STK32B: variants seen among roughly 807,000 people sequenced by gnomAD.
The protein encoded by STK32B is serine/threonine-protein kinase 32B.
Under a neutral mutation model 52.6 loss-of-function variants are expected in STK32B, and 43 were observed. That is an observed-to-expected ratio of 0.82 (90% confidence interval 0.64 to 1.05). The LOEUF (loss-of-function observed/expected upper bound fraction) is 1.05, where lower values mean the gene tolerates loss of function less well. Among genes scored for constraint, STK32B ranks in the 50% least tolerant of loss-of-function variants. STK32B has a pLI of 0.00. For missense variants in STK32B, 621 were observed against 534.6 expected, an observed-to-expected ratio of 1.16 and a Z score of -1.59; for synonymous variants, 238 against 204.3, an observed-to-expected ratio of 1.17 and a Z score of -1.41.
At chr4:5,253,254 C>T (rs747195407) in intron 3 of STK32B, among the ~76,000 whole-genome samples, 3 of 152,086 alleles carry the variant, frequency 2.0e-5, no homozygotes, top group Non-Finnish European at 2.9e-5. Context: ...GAAAGCCTAC[C>T]TGGAACCAAA....
chr4:5,152,495 G>C (rs1181338338), intron 2 of STK32B, among the ~76,000 whole-genome samples: 1 of 152,236 alleles, frequency 6.6e-6, no homozygotes, highest in Non-Finnish European at 1.5e-5. Context: ...TGTGAGACAG[G>C]AGGAGTGAGA....
At chr4:5,078,085 G>A (rs1265211598) in intron 1 of STK32B, among the ~76,000 whole-genome samples, 2 of 152,058 alleles carry the variant, frequency 1.3e-5, no homozygotes, top group South Asian at 2.1e-4. Context: ...ATCCCCATAC[G>A]ATAGTGTCCA....
At chr4:5,211,775 C>T (rs909603540) in intron 3 of STK32B, among the ~76,000 whole-genome samples, 3 of 152,138 alleles carry the variant, frequency 2.0e-5, no homozygotes, top group South Asian at 4.1e-4. Flanking sequence ...GTAAAATGCA[C>T]ATTTGTTCAT....
At chr4:5,067,940 G>A (rs529986693) in intron 1 of STK32B, among the ~76,000 whole-genome samples, 1 of 152,174 alleles carries the variant, frequency 6.6e-6, no homozygotes, top group East Asian at 1.9e-4. Context: ...CATATGAACA[G>A]CACCAAAGTG....
intron 4 of STK32B, among the ~76,000 whole-genome samples, chr4:5,366,378 G>A (rs903951960): frequency 5.3e-5 from 8 of 152,216 alleles, no homozygotes; most frequent in African/African-American, 1.9e-4. Context: ...AAAACAGAGT[G>A]GAATATTTAT....
chr4:5,398,238 G>T lies in STK32B; in HGVS notation c.466G>T (p.Glu156Ter). 6.2e-7 allele frequency: 1 copy of T among 1,614,106 alleles called. No individual in the cohort carries two copies. Among genetic ancestry groups the T allele is most frequent in the Non-Finnish European group, 8.5e-7 (1 of 1,180,006 alleles). ...CAAGCCAGACAATATCCTGCTGGAT[G>T]AACACGGTAAGCCTGCTACTAATCC... ...DIKPDNILLD[E>*]HGHVHITDFN... The change falls in exon 5 of 12, where the codon GAA (glutamate) becomes TAA (stop). Residue 156 changes from glutamate to a stop codon, truncating the protein, a stop_gained. Transcript: ENST00000282908. LOFTEE classifies it high-confidence loss of function. This position sits in a 1 kb window ranked among gnomAD's most constrained non-coding sequence, Gnocchi z 4.9.
chr4:5,206,371 A>G (rs1722578170), intron 3 of STK32B, among the ~76,000 whole-genome samples: 2 of 152,142 alleles, frequency 1.3e-5, no homozygotes, highest in Non-Finnish European at 2.9e-5. Flanking sequence ...AACTTTAAAT[A>G]TCCTCCACTG....
At chr4:5,205,175 A>G in intron 3 of STK32B, among the ~76,000 whole-genome samples, 1 of 151,424 alleles carries the variant, frequency 6.6e-6, no homozygotes, top group East Asian at 1.9e-4. Context: ...ACTGGGACTT[A>G]TATCATTGCC....
chr4:5,436,106 G>T (rs1714054433), intron 6 of STK32B, among the ~76,000 whole-genome samples: 1 of 152,168 alleles, frequency 6.6e-6, no homozygotes, highest in Non-Finnish European at 1.5e-5. Flanking sequence ...GCTGGGCCGT[G>T]GATTTGAACT....
chr4:5,358,421 A>G (rs1458722476), intron 4 of STK32B, among the ~76,000 whole-genome samples: 1 of 152,220 alleles, frequency 6.6e-6, no homozygotes, highest in African/African-American at 2.4e-5. Flanking sequence ...CAAAGTGAGA[A>G]CAGTAAGATG....
rs1311240557 is a variant in STK32B, at chr4:5,398,074, A to G, written c.435-133A>G. 3 of 834,788 alleles carry G rather than the reference A, an allele frequency of 3.6e-6. No individual in the cohort carries two copies. The highest frequency in any genetic ancestry group is 3.8e-6 in the Non-Finnish European group (2 of 524,002). 51.7% of individuals were successfully genotyped at this position (834,788 alleles called of 1,614,324 possible). A position where few individuals can be genotyped will look rare whatever the true frequency, so the allele number is the denominator to read the frequency against. On this transcript the variant is annotated intron_variant, in intron 4 of 11. Coordinates refer to ENST00000282908, the MANE Select transcript of STK32B (RefSeq NM_018401.3). This position sits in a 1 kb window ranked among gnomAD's most constrained non-coding sequence, Gnocchi z 4.9. ...ATCTTACCAATTATTCTCCCACTCC[A>G]TGTCTGAGGCTTCAGGTCAGGGAGA... is the stretch of plus-strand genomic sequence containing the variant.
At chr4:5,407,018 GT>G (rs1392516074) in intron 5 of STK32B, among the ~76,000 whole-genome samples, 13 of 152,068 alleles carry the variant, frequency 8.5e-5, no homozygotes, top group Admixed American at 8.5e-4. Context: ...TTACATATAA[GT>G]TCCATTTCCA....
chr4:5,358,301 A>G (rs1156794982), intron 4 of STK32B, among the ~76,000 whole-genome samples: 1 of 152,246 alleles, frequency 6.6e-6, no homozygotes, highest in African/African-American at 2.4e-5. Flanking sequence ...GCAGGAAACA[A>G]ATCTTTAAAA....
upstream of STK32B, among the ~76,000 whole-genome samples, chr4:5,050,555 G>A (rs374004275): frequency 7.9e-5 from 12 of 152,314 alleles, no homozygotes; most frequent in African/African-American, 2.9e-4. Flanking sequence ...ATAGGATGGA[G>A]AGAGTCACAA....
chr4:5,102,356 G>A (rs545695742), intron 1 of STK32B, among the ~76,000 whole-genome samples: 2 of 152,264 alleles, frequency 1.3e-5, no homozygotes, highest in African/African-American at 4.8e-5. Context: ...AAGAGAGGGT[G>A]GCCATTGGCT....
intron 11 of STK32B, among the ~76,000 whole-genome samples, chr4:5,497,536 TG>T (rs1720389091): frequency 6.6e-6 from 1 of 152,184 alleles, no homozygotes; most frequent in Non-Finnish European, 1.5e-5. Context: ...CTGCAAGCCT[TG>T]GGGGCAGAGG....
chr4:5,140,437 G>GA, intron 2 of STK32B: 1 of 542,146 alleles, frequency 1.8e-6, no homozygotes, highest in Non-Finnish European at 2.5e-6. Context: ...CACATACTCA[G>GA]AAATTTTTTT....
At chr4:5,339,414 C>G (rs534559639) in intron 4 of STK32B, among the ~76,000 whole-genome samples, 1 of 152,154 alleles carries the variant, frequency 6.6e-6, no homozygotes, top group South Asian at 2.1e-4. Context: ...TTTTTTACCT[C>G]CTTTCTTATG....
At chr4:5,317,336 ATAAT>A (rs1731117211) in intron 3 of STK32B, among the ~76,000 whole-genome samples, 2 of 79,994 alleles carry the variant, frequency 2.5e-5, no homozygotes, top group African/African-American at 2.2e-4. Flanking sequence ...TATTACATAT[ATAAT>A]ACATATATAT....
Sources: allele counts gnomAD v4.1 joint callset (sites outside exome capture counted in the v4.1 genomes callset), GRCh38; gene constraint gnomAD v4.1.1; non-coding constraint Gnocchi (gnomAD v3.1); transcripts MANE v1.5; gene names NCBI Gene and HGNC (gene_info 2026-07-23, HGNC 2026-07-21).